Variants in CNTNAP4 observed in about 807,000 individuals in gnomAD.
The protein encoded by CNTNAP4 is contactin-associated protein-like 4.
A neutral mutation model predicts 148.4 loss-of-function variants in CNTNAP4; 98 were observed. The ratio of observed to expected loss-of-function variants is 0.66; its 90% CI spans 0.56 to 0.78. The LOEUF is 0.78. Among genes scored for constraint, CNTNAP4 ranks in the 30% least tolerant of loss-of-function variants. The pLI is 0.00. For synonymous variants in CNTNAP4, 730 were observed against 565.1 expected (o/e 1.29, Z -4.14); for missense variants, 1,935 against 1,565.6 (o/e 1.24, Z -3.98).
chr16:76,551,272 G>A (rs2144386640), intron 21 of CNTNAP4, among the ~76,000 whole-genome samples: 1 of 151,920 alleles, frequency 6.6e-6, no homozygotes, highest in African/African-American at 2.4e-5. Context: ...ATTTAGCCAG[G>A]CGTCAATCCC....
intron 3 of CNTNAP4, among the ~76,000 whole-genome samples, chr16:76,424,302 A>G (rs1720824924): frequency 6.6e-6 from 1 of 152,102 alleles, no homozygotes; most frequent in Non-Finnish European, 1.5e-5. Context: ...TTGGAGGGTA[A>G]TTTAATTAAT....
chr16:76,402,495 TAAA>T (rs560870452), intron 3 of CNTNAP4, among the ~76,000 whole-genome samples: 27 of 152,152 alleles, frequency 1.8e-4, no homozygotes, highest in Admixed American at 1.6e-3. Flanking sequence ...TCTTACTAAT[TAAA>T]AAACAACCTC....
At chr16:76,518,127 T>C (rs2083318817) in intron 15 of CNTNAP4, among the ~76,000 whole-genome samples, 1 of 151,926 alleles carries the variant, frequency 6.6e-6, no homozygotes. Flanking sequence ...ATTATTATTT[T>C]ATTTATTTAT....
chr16:76,341,331 A>G (rs1052458024), intron 2 of CNTNAP4, among the ~76,000 whole-genome samples: 13 of 152,178 alleles, frequency 8.5e-5, no homozygotes, highest in African/African-American at 2.4e-5. Context: ...TGAAATGTAC[A>G]AATTCTGCCC....
At chr16:76,464,368 C>T (rs1190963139) in intron 9 of CNTNAP4, among the ~76,000 whole-genome samples, 1 of 152,100 alleles carries the variant, frequency 6.6e-6, no homozygotes, top group African/African-American at 2.4e-5. Flanking sequence ...CTGGTACAGG[C>T]AGTGGGGTGA....
rs114409626 is a variant in CNTNAP4 at position 76,423,393 on chromosome 16, C to G, written c.391-4059C>G. Among the ~76,000 whole-genome samples, 1,027 of 152,212 alleles carry G rather than the reference C, an allele frequency of 6.7e-3. 8 individuals are homozygous for G. Among genetic ancestry groups the G allele is most frequent in the African/African-American group, 0.023 (972 of 41,550 alleles). ...GGACCCTCCCCACAAATTTAGTACA[C>G]AGGTGCAAGATTCGTTTCTAAAGAA... On this transcript the variant is annotated intron_variant, in intron 3 of 23. Transcript: ENST00000611870.
chr16:76,409,654 T>C (rs1224156695), intron 3 of CNTNAP4, among the ~76,000 whole-genome samples: 1 of 152,032 alleles, frequency 6.6e-6, no homozygotes, highest in Non-Finnish European at 1.5e-5. Flanking sequence ...TCCTAGGAAG[T>C]ATTCTATTGG....
At chr16:76,496,529 C>A (rs990907854) in intron 14 of CNTNAP4, among the ~76,000 whole-genome samples, 1 of 151,950 alleles carries the variant, frequency 6.6e-6, no homozygotes, top group Non-Finnish European at 1.5e-5. Flanking sequence ...CAGAAAGTAA[C>A]CAAATGTTGG....
At chr16:76,320,776 T>C (rs895151481) in intron 2 of CNTNAP4, among the ~76,000 whole-genome samples, 1 of 152,194 alleles carries the variant, frequency 6.6e-6, no homozygotes, top group Non-Finnish European at 1.5e-5. Flanking sequence ...TATAGTGTTA[T>C]AATCTGAACG....
chr16:76,508,560 C>T (rs2082906936), intron 15 of CNTNAP4, among the ~76,000 whole-genome samples: 1 of 90,602 alleles, frequency 1.1e-5, no homozygotes, highest in Non-Finnish European at 3.1e-5. Flanking sequence ...TTATTACCAA[C>T]CAATAATTTA....
intron 2 of CNTNAP4, among the ~76,000 whole-genome samples, chr16:76,351,197 A>G (rs1287957196): frequency 2.6e-5 from 4 of 152,192 alleles, no homozygotes; most frequent in Admixed American, 6.5e-5. Flanking sequence ...TACAGAGTTT[A>G]TAATTTGCTG....
At chr16:76,445,159 G>A (rs1172276420) in intron 4 of CNTNAP4, among the ~76,000 whole-genome samples, 1 of 152,158 alleles carries the variant, frequency 6.6e-6, no homozygotes, top group East Asian at 1.9e-4. Context: ...CTTGAAGACT[G>A]TAGAGGGTGG....
chr16:76,538,473 AT>A, intron 19 of CNTNAP4, 133 bp downstream of exon 19: 1 of 645,292 alleles, frequency 1.5e-6, no homozygotes, highest in Non-Finnish European at 2.7e-6. Flanking sequence ...TTGTAGTCAT[AT>A]TTTTAGTACT....
chr16:76,472,637 T>G (rs987906784), intron 10 of CNTNAP4, among the ~76,000 whole-genome samples: 1 of 152,232 alleles, frequency 6.6e-6, no homozygotes, highest in Non-Finnish European at 1.5e-5. Flanking sequence ...GTACCACATT[T>G]TCTTTATTTG....
chr16:76,521,157 G>T lies in CNTNAP4; in HGVS notation c.2383G>T (p.Ala795Ser). ...CAAAACAGGATCATTTTGGAATTCA[G>T]CTTCCTTTGATACCGAGGCTTCATA... ...CQGDRSFWNS[A>S]SFDTEASYLH... The change falls in exon 16 of 24, where the codon GCT becomes TCT. Residue 795 changes from alanine (A) to serine (S), a missense_variant. Physicochemically the swap from Ala to Ser is moderately conservative, Grantham distance 99. Transcript: ENST00000611870. 3 of 1,580,786 alleles carry T rather than the reference G, an allele frequency of 1.9e-6. No individual in the cohort carries two copies. The highest frequency in any genetic ancestry group is 2.6e-6 in the Non-Finnish European group (3 of 1,169,474).
At chr16:76,543,005 T>C (rs2084531076) in intron 21 of CNTNAP4, among the ~76,000 whole-genome samples, 1 of 152,234 alleles carries the variant, frequency 6.6e-6, no homozygotes, top group Non-Finnish European at 1.5e-5. Flanking sequence ...ACATTCACTA[T>C]ATAAGTCCTC....
intron 7 of CNTNAP4, among the ~76,000 whole-genome samples, chr16:76,450,679 T>A (rs4555176): frequency 0.78 from 119,276 of 152,170 alleles, 47,746 homozygotes; most frequent in Non-Finnish European, 0.88. Context: ...CAAATACAGG[T>A]TGTGTTACAA....
chr16:76,434,825 T>C (rs2079758276), intron 4 of CNTNAP4, among the ~76,000 whole-genome samples: 1 of 152,138 alleles, frequency 6.6e-6, no homozygotes, highest in South Asian at 2.1e-4. Context: ...ACTGGGGAAA[T>C]GACCACAGGA....
At chr16:76,325,739 A>C (rs1464090343) in intron 2 of CNTNAP4, among the ~76,000 whole-genome samples, 1 of 152,168 alleles carries the variant, frequency 6.6e-6, no homozygotes, top group African/African-American at 2.4e-5. Flanking sequence ...ACAACAAATT[A>C]AGCCAAAAAT....
Sources: allele counts gnomAD v4.1 joint callset (sites outside exome capture counted in the v4.1 genomes callset), GRCh38; gene constraint gnomAD v4.1.1; transcripts MANE v1.5; gene names NCBI Gene and HGNC (gene_info 2026-07-23, HGNC 2026-07-21).